The following PTS variants were observed in gnomAD, a reference collection of about 807,000 sequenced individuals.
The protein encoded by PTS is 6-pyruvoyl tetrahydrobiopterin synthase.
A neutral mutation model predicts 20.6 loss-of-function variants in PTS; 23 were observed. The observed-to-expected ratio is 1.12, with a 90% CI of 0.80 to 1.58. The LOEUF (loss-of-function observed/expected upper bound fraction) is 1.58, where lower values mean the gene tolerates loss of function less well. Ranked by LOEUF, PTS falls within the 40% of genes most tolerant of loss-of-function variation. The pLI is 0.00. For missense variants in PTS, 186 were observed against 182.4 expected, an observed-to-expected ratio of 1.02 and a Z score of -0.11; for synonymous variants, 65 against 62.5, an observed-to-expected ratio of 1.04 and a Z score of -0.19.
chr11:112,230,613 G>A lies in PTS; in HGVS notation c.187-13G>A, dbSNP rs1859917674. 1 of 1,600,148 alleles carries A rather than the reference G, an allele frequency of 6.2e-7. No individual in the cohort carries two copies. Among genetic ancestry groups the A allele is most frequent in the Non-Finnish European group, 8.6e-7 (1 of 1,167,494 alleles). On this transcript the variant is annotated splice_polypyrimidine_tract_variant and intron_variant, in intron 3 of 5. Coordinates refer to ENST00000280362, the MANE Select transcript of PTS (RefSeq NM_000317.3). ...GCCTATCACAGTAATATTCACCTTT[G>A]TTTATTCTTTAGATTGACCCTGCTA...
chr11:112,231,009 ACTGT>A (rs1338259385), intron 4 of PTS, among the ~76,000 whole-genome samples: 1 of 148,196 alleles, frequency 6.7e-6, no homozygotes, highest in Non-Finnish European at 1.5e-5. Flanking sequence ...CTTGAGACTT[ACTGT>A]CTTTCTTTTT....
At chr11:112,230,830 ACTG>A (rs1859920620) in intron 4 of PTS, 148 bp downstream of exon 4, 4 of 785,928 alleles carry the variant, frequency 5.1e-6, no homozygotes, top group Admixed American at 1.9e-5. Flanking sequence ...AGTTGGAAGA[ACTG>A]CTCGCATGGC....
rs184830375 is a variant in PTS, at chr11:112,228,806, G to A, written c.163+133G>A. 4.1e-3 allele frequency: 3,347 copies of A among 822,542 alleles called. 13 individuals carry two copies. Among genetic ancestry groups the A allele is most frequent in the Admixed American group, 4.7e-3 (201 of 42,948 alleles). The allele number at this position is 822,542 out of a possible 1,614,324, so 51.0% of individuals were successfully genotyped here. On this transcript the variant is annotated intron_variant, in intron 2 of 5. Coordinates refer to ENST00000280362, the MANE Select transcript of PTS (RefSeq NM_000317.3). ...TGAGCCTTGAATGAGAAATTAAATG[G>A]GAGTTCAGAATGAAAGGATCTGTTG...
At chr11:112,231,679 G>A (rs1001546561) in intron 4 of PTS, among the ~76,000 whole-genome samples, 1 of 152,108 alleles carries the variant, frequency 6.6e-6, no homozygotes, top group East Asian at 1.9e-4. Flanking sequence ...AGATGAATGA[G>A]ATGTAGCCCA....
At chr11:112,228,809 G>T (rs1859897144) in intron 2 of PTS, 136 bp downstream of exon 2, 1 of 802,734 alleles carries the variant, frequency 1.2e-6, no homozygotes. Flanking sequence ...TTAAATGGGA[G>T]TTCAGAATGA....
chr11:112,229,007 G>T (rs1332473889), intron 2 of PTS: 3 of 266,008 alleles, frequency 1.1e-5, no homozygotes, highest in Non-Finnish European at 2.1e-5. Context: ...AGTAAATAAT[G>T]ACTGACAAAA....
At chr11:112,230,138 T>C (rs1859911816) in intron 2 of PTS, 70 bp from the exon 3 acceptor site, 1 of 1,442,562 alleles carries the variant, frequency 6.9e-7, no homozygotes, top group East Asian at 2.3e-5. Context: ...TGTATGTTGC[T>C]AACTTGTGCT....
intron 4 of PTS, 59 bp from the exon 5 acceptor site, chr11:112,233,104 A>G (rs1859962039): frequency 2.0e-6 from 3 of 1,493,852 alleles, no homozygotes; most frequent in Admixed American, 3.3e-5. Flanking sequence ...TAAGTGGAAC[A>G]ATTTGGAATT....
intron 1 of PTS, among the ~76,000 whole-genome samples, chr11:112,227,603 C>T (rs2676374): frequency 0.63 from 95,487 of 151,870 alleles, 31,376 homozygotes; most frequent in East Asian, 0.8. Flanking sequence ...TGGTGGAAGG[C>T]GAAGGGCGAG....
rs1859913474 is a variant in PTS at position 112,230,236 on chromosome 11, T to A, written c.186+6T>A. On this transcript the variant is annotated splice_donor_region_variant and intron_variant, in intron 3 of 5. Transcript: ENST00000280362. ...TGGTGACAGTACATGGAGAGGTATG[T>A]GCAGAAAATATTTGTGTGGTTTTTG... 16 of 1,613,338 alleles carry A rather than the reference T, an allele frequency of 9.9e-6. No homozygotes were observed. The highest frequency in any genetic ancestry group is 1.4e-5 in the Non-Finnish European group (16 of 1,179,262).
intron 4 of PTS, 130 bp from the exon 5 acceptor site, chr11:112,233,033 C>G: frequency 1.1e-6 from 1 of 943,470 alleles, no homozygotes; most frequent in Middle Eastern, 2.1e-4. Flanking sequence ...TTGTAAGACT[C>G]AAATCTAGTA....
chr11:112,230,609 C>T lies in PTS; in HGVS notation c.187-17C>T, dbSNP rs753012055. 3 of 1,596,308 alleles carry T rather than the reference C, an allele frequency of 1.9e-6. No homozygotes were observed. Among genetic ancestry groups the T allele is most frequent in the South Asian group, 1.1e-5 (1 of 90,688 alleles). ...GAGAGCCTATCACAGTAATATTCAC[C>T]TTTGTTTATTCTTTAGATTGACCCT... is the stretch of plus-strand genomic sequence containing the variant. On this transcript the variant is annotated splice_polypyrimidine_tract_variant and intron_variant, in intron 3 of 5. Coordinates refer to ENST00000280362, the MANE Select transcript of PTS (RefSeq NM_000317.3).
chr11:112,227,949 G>A (rs905936669), intron 1 of PTS, among the ~76,000 whole-genome samples: 4 of 152,198 alleles, frequency 2.6e-5, no homozygotes, highest in South Asian at 2.1e-4. Context: ...TAGACGATGC[G>A]AAATTGAATG....
chr11:112,233,747 C>A lies in PTS; in HGVS notation c.*192C>A. On this transcript the variant is annotated 3_prime_UTR_variant, in exon 6 of 6. Transcript: ENST00000280362. ...TATTTAAAACTAAACTTGTAATATA[C>A]ATCCTGAAAATCATTTAGAGAGTCT... 1.6e-6 allele frequency: 1 copy of A among 606,928 alleles called. No homozygotes were observed. The highest frequency in any genetic ancestry group is 2.4e-6 in the Non-Finnish European group (1 of 412,304). The allele number at this position is 606,928 out of a possible 1,614,324, so 37.6% of individuals were successfully genotyped here. A position where few individuals can be genotyped will look rare whatever the true frequency, so the allele number is the denominator to read the frequency against.
At chr11:112,233,400 AT>A (rs753698606) in intron 5 of PTS, 31 bp from the exon 6 acceptor site, 13 of 1,576,290 alleles carry the variant, frequency 8.2e-6, no homozygotes, top group East Asian at 2.2e-5. Flanking sequence ...TGCATTTTGA[AT>A]TTTTTTTGTT....
chr11:112,226,950 G>C (rs776176367), intron 1 of PTS, among the ~76,000 whole-genome samples: 5 of 150,322 alleles, frequency 3.3e-5, no homozygotes, highest in Admixed American at 6.7e-5. Flanking sequence ...AGCTAATCTT[G>C]TATGCCAGGA....
intron 2 of PTS, 150 bp downstream of exon 2, chr11:112,228,823 G>T (rs998222944): frequency 4.0e-6 from 3 of 745,806 alleles, no homozygotes; most frequent in African/African-American, 3.5e-5. Flanking sequence ...AGAATGAAAG[G>T]ATCTGTTGTC....
rs1323472731 is a variant in PTS at position 112,226,455 on chromosome 11, A to G, written c.12A>G (p.Glu4=). The G allele has an allele frequency of 6.3e-7, 1 of 1,580,862 alleles. No homozygotes were observed. The highest frequency in any genetic ancestry group is 1.2e-5 in the South Asian group (1 of 86,254). ...ACAGCGCCGGGAAGATGAGCACGGA[A>G]GGTGGTGGCCGTCGCTGCCAGGCAC... is the stretch of plus-strand genomic sequence containing the variant. MST[E]GGGRRCQAQV... Residue 4 remains glutamate, a synonymous_variant, in exon 1 of 6, where the codon GAA becomes GAG. Transcript: ENST00000280362.
chr11:112,233,436 A>T lies in PTS; in HGVS notation c.319A>T (p.Thr107Ser). The stretch of plus-strand genomic sequence containing the variant: ...TTTTGTTTTTTTTTCTTATAGCACG[A>T]CTGAAAATGTAGCTGTTTATATCTG... Reference protein sequence around the residue: ...VPYFADVVSTTENVAVYIWDN... With the variant: ...VPYFADVVSTSENVAVYIWDN... Residue 107 changes from threonine (T) to serine (S), a missense_variant, in exon 6 of 6, where the codon ACT (threonine) becomes TCT (serine). Physicochemically the swap from Thr to Ser is moderately conservative, Grantham distance 58. Transcript: ENST00000280362. 6.2e-7 allele frequency: 1 copy of T among 1,610,780 alleles called. No homozygotes were observed. Among genetic ancestry groups the T allele is most frequent in the Non-Finnish European group, 8.5e-7 (1 of 1,179,142 alleles).
Sources: gnomAD v4.1 joint callset for allele counts (sites outside exome capture counted in the v4.1 genomes callset) on GRCh38, gnomAD v4.1.1 for gene constraint, MANE v1.5 for transcripts, NCBI Gene and HGNC (gene_info 2026-07-23, HGNC 2026-07-21) for gene names.